RAMP1: variants seen among roughly 807,000 people sequenced by gnomAD.
RAMP1 encodes the protein receptor activity-modifying protein 1.
In RAMP1, 7 loss-of-function variants were observed where a neutral mutation model predicts 8.2. The ratio of observed to expected loss-of-function variants is 0.85; its 90% confidence interval spans 0.49 to 1.60. The LOEUF (loss-of-function observed/expected upper bound fraction) is 1.60. RAMP1 is among the 40% of genes most tolerant of loss of function. The pLI is 0.00. For synonymous variants in RAMP1, 92 were observed against 84.7 expected, an observed-to-expected ratio of 1.09 and a Z score of -0.47; for missense variants, 192 against 202.4, an observed-to-expected ratio of 0.95 and a Z score of 0.31.
intron 2 of RAMP1, among the ~76,000 whole-genome samples, chr2:237,906,534 A>G (rs1261376561): frequency 6.6e-6 from 1 of 152,150 alleles, no homozygotes; most frequent in African/African-American, 2.4e-5. Context: ...TAGATTAAAT[A>G]TAAGGAAAAG....
Position 237,911,745 on chromosome 2 carries a change from G to C in RAMP1, c.409G>C (p.Val137Leu). The C allele has an allele frequency of 6.2e-7, 1 of 1,612,814 alleles. No individual in the cohort carries two copies. Among genetic ancestry groups the C allele is most frequent in the Non-Finnish European group, 8.5e-7 (1 of 1,179,588 alleles). Residue 137 changes from valine to leucine, a missense_variant, in exon 3 of 3, where the codon GTG becomes CTG. By Grantham distance (32) the Val-to-Leu change is conservative (BLOSUM62 1). Coordinates refer to ENST00000254661, the MANE Select transcript of RAMP1 (RefSeq NM_005855.4). Reference protein sequence around the residue: ...ITVTLLVTALVVWQSKRTEGI... With the variant: ...ITVTLLVTALLVWQSKRTEGI... Reference sequence around the variant, plus strand: ...GGTGACCCTGCTGGTGACGGCACTGGTGGTCTGGCAGAGCAAGCGCACTGA... The same window carrying C: ...GGTGACCCTGCTGGTGACGGCACTGCTGGTCTGGCAGAGCAAGCGCACTGA...
At chr2:237,885,358 C>G (rs2062417471) in intron 2 of RAMP1, among the ~76,000 whole-genome samples, 1 of 152,214 alleles carries the variant, frequency 6.6e-6, no homozygotes, top group Non-Finnish European at 1.5e-5. Context: ...AGGCCTGGCC[C>G]TGGAGCCCAC....
At chr2:237,899,501 C>A (rs1350513480) in intron 2 of RAMP1, among the ~76,000 whole-genome samples, 2 of 152,202 alleles carry the variant, frequency 1.3e-5, no homozygotes, top group Non-Finnish European at 2.9e-5. Context: ...AATGACGGTA[C>A]ATTTTTTTCC....
chr2:237,889,584 C>A (rs1334057209), intron 2 of RAMP1, among the ~76,000 whole-genome samples: 1 of 152,202 alleles, frequency 6.6e-6, no homozygotes, highest in Non-Finnish European at 1.5e-5. Context: ...TAGAAGGCCT[C>A]TCCTACCATG....
rs1216856355 is a variant in RAMP1 at position 237,865,942 on chromosome 2, GC to G, written c.52+6217del. ...GCGAGGAGGTGAAACCAGAGAGCAT[GC>G]CTGTGTAGGTTTCCTCCAGTGCCTT... On this transcript the variant is annotated intron_variant, in intron 1 of 2. Coordinates refer to ENST00000254661, the MANE Select transcript of RAMP1 (RefSeq NM_005855.4). The surrounding 1 kb of genome is among the most constrained non-coding windows in gnomAD (Gnocchi z 4.2). Among the ~76,000 whole-genome samples the G allele has an allele frequency of 6.6e-6, 1 of 152,180 alleles. No homozygotes were observed. The highest frequency in any genetic ancestry group is 1.5e-5 in the Non-Finnish European group (1 of 68,018).
In RAMP1 at chr2:237,899,173, C is replaced by G. The variant is rs770655801; in HGVS notation, c.192-12355C>G. ...GCAACCTCCGCCTCCCGGGTTCAAG[C>G]AATTCTCCTGCCTCAGCCTCCTGAG... On this transcript the variant is annotated intron_variant, in intron 2 of 2. Coordinates refer to ENST00000254661, the MANE Select transcript of RAMP1 (RefSeq NM_005855.4). Among the ~76,000 whole-genome samples the G allele has an allele frequency of 2.0e-5, 3 of 152,106 alleles. No homozygotes were observed. In the East Asian group the frequency reaches 5.8e-4, roughly 29 times the overall value.
At chr2:237,905,437 G>A (rs1211584843) in intron 2 of RAMP1, among the ~76,000 whole-genome samples, 1 of 152,228 alleles carries the variant, frequency 6.6e-6, no homozygotes, top group African/African-American at 2.4e-5. Flanking sequence ...AGGAGAGAGT[G>A]CCTGATCCCA....
At chr2:237,891,243 C>T (rs1467257933) in intron 2 of RAMP1, among the ~76,000 whole-genome samples, 3 of 151,602 alleles carry the variant, frequency 2.0e-5, no homozygotes, top group East Asian at 1.9e-4. Flanking sequence ...CTCCGCCTCC[C>T]GGGTTCACGC....
chr2:237,859,908 CA>C (rs1441640638), intron 1 of RAMP1, 181 bp downstream of exon 1: 1 of 547,818 alleles, frequency 1.8e-6, no homozygotes, highest in Non-Finnish European at 3.0e-6. Flanking sequence ...CCCCAGGGCA[CA>C]GGGGAGGCGG....
At chr2:237,887,239 G>T (rs1327769860) in intron 2 of RAMP1, among the ~76,000 whole-genome samples, 1 of 152,196 alleles carries the variant, frequency 6.6e-6, no homozygotes, top group Non-Finnish European at 1.5e-5. Flanking sequence ...CCCAGGCTGG[G>T]CCATGGCATC....
chr2:237,911,972 G>T lies in RAMP1; in HGVS notation c.*189G>T. ...ATTAACCTGGAAGCCCCCCTGGCTG[G>T]AGGCCACCGCCACCCTAGGAAGGGG... On this transcript the variant is annotated 3_prime_UTR_variant, in exon 3 of 3. Transcript: ENST00000254661. 2.0e-6 allele frequency: 2 copies of T among 990,910 alleles called. No homozygotes were observed. Among genetic ancestry groups the T allele is most frequent in the African/African-American group, 1.6e-5 (1 of 61,190 alleles). 61.4% of individuals were successfully genotyped at this position (990,910 alleles called of 1,614,324 possible). A position where few individuals can be genotyped will look rare whatever the true frequency, so the allele number is the denominator to read the frequency against.
In RAMP1 at chr2:237,911,682, G is replaced by A. The variant is rs11547791; in HGVS notation, c.346G>A (p.Gly116Ser). Reference sequence around the variant, plus strand: ...AGGCAGGGCCGTGCGGGACCCGCCCGGCAGCATCCTCTACCCCTTCATCGT... The same window carrying A: ...AGGCAGGGCCGTGCGGGACCCGCCCAGCAGCATCCTCTACCCCTTCATCGT... Reference protein sequence around the residue: ...ISGRAVRDPPGSILYPFIVVP... With the variant: ...ISGRAVRDPPSSILYPFIVVP... Residue 116 changes from glycine to serine, a missense_variant, in exon 3 of 3, where the codon GGC becomes AGC. Coordinates refer to ENST00000254661, the MANE Select transcript of RAMP1 (RefSeq NM_005855.4). 1.5e-5 allele frequency: 25 copies of A among 1,613,274 alleles called. No individual in the cohort carries two copies. Among genetic ancestry groups the A allele is most frequent in the East Asian group, 8.9e-5 (4 of 44,886 alleles).
In RAMP1 at chr2:237,894,804, C is replaced by T. The variant is rs113566807; in HGVS notation, c.192-16724C>T. On this transcript the variant is annotated intron_variant, in intron 2 of 2. Transcript: ENST00000254661. ...CCTTGCTCGGGTGAATGTGGCTCCC[C>T]GTGGTGCACAAACACGTTCAAAGAC... is the stretch of plus-strand genomic sequence containing the variant. Among the ~76,000 whole-genome samples, 49 of 152,278 alleles carry T rather than the reference C, an allele frequency of 3.2e-4. No individual in the cohort carries two copies. In the South Asian group the frequency reaches 6.0e-3, roughly 19 times the overall value.
chr2:237,897,957 C>A lies in RAMP1; in HGVS notation c.192-13571C>A, dbSNP rs527253364. ...GGGACCACAGGCGTGCACCACCACG[C>A]CCAGCTAATTTTTGTATTTTTAGTA... On this transcript the variant is annotated intron_variant, in intron 2 of 2. Transcript: ENST00000254661. Among the ~76,000 whole-genome samples, 3 of 152,226 alleles carry A rather than the reference C, an allele frequency of 2.0e-5. No individual in the cohort carries two copies. In the East Asian group the frequency reaches 5.8e-4, roughly 29 times the overall value.
chr2:237,874,825 G>A (rs939546255), intron 1 of RAMP1: 2 of 553,130 alleles, frequency 3.6e-6, no homozygotes, highest in African/African-American at 4.1e-5. Flanking sequence ...TCTGAGAAAA[G>A]AAAGAGACCC....
intron 1 of RAMP1, among the ~76,000 whole-genome samples, chr2:237,871,050 G>A (rs1324222447): frequency 1.3e-5 from 2 of 152,190 alleles, no homozygotes; most frequent in South Asian, 4.1e-4. Flanking sequence ...CGGGGTAAGC[G>A]GCTGTGTGGG....
chr2:237,861,623 G>A (rs2062133420), intron 1 of RAMP1, among the ~76,000 whole-genome samples: 1 of 152,146 alleles, frequency 6.6e-6, no homozygotes, highest in Non-Finnish European at 1.5e-5. Context: ...TGAGGTGGGT[G>A]AATCGCCTGA....
chr2:237,859,320 G>C (rs923092704), upstream of RAMP1, among the ~76,000 whole-genome samples: 2 of 152,228 alleles, frequency 1.3e-5, no homozygotes, highest in Admixed American at 6.5e-5. Flanking sequence ...TCCCCAGGTG[G>C]AGACCAAGGT....
chr2:237,871,569 TG>T (rs1334840724), intron 1 of RAMP1, among the ~76,000 whole-genome samples: 3 of 152,130 alleles, frequency 2.0e-5, no homozygotes, highest in Non-Finnish European at 4.4e-5. Context: ...TCCTATGGGC[TG>T]GGGAGCTCTG....
Sources: gnomAD v4.1 joint callset for allele counts (sites outside exome capture counted in the v4.1 genomes callset) on GRCh38, gnomAD v4.1.1 for gene constraint, Gnocchi (gnomAD v3.1) non-coding constraint, MANE v1.5 for transcripts, NCBI Gene and HGNC (gene_info 2026-07-23, HGNC 2026-07-21) for gene names.